Variants in SPAG16 observed in about 807,000 individuals in gnomAD.
SPAG16 encodes the protein sperm associated antigen 16.
A neutral mutation model predicts 80.4 loss-of-function variants in SPAG16; 86 were observed. The observed-to-expected ratio is 1.07, with a 90% CI of 0.90 to 1.28. The LOEUF (loss-of-function observed/expected upper bound fraction) is 1.28. Among genes scored for constraint, SPAG16 ranks in the 50% most tolerant of loss-of-function variants. The pLI is 0.00. For synonymous variants in SPAG16, 294 were observed against 265.9 expected (o/e 1.11, Z -1.03); for missense variants, 870 against 765.3 (o/e 1.14, Z -1.61).
At chr2:214,039,002 T>TA (rs1420894782) in intron 13 of SPAG16, among the ~76,000 whole-genome samples, 3 of 152,212 alleles carry the variant, frequency 2.0e-5, no homozygotes, top group East Asian at 3.8e-4. Flanking sequence ...GCAATAAACA[T>TA]ACGTGTGCAT....
intron 15 of SPAG16, among the ~76,000 whole-genome samples, chr2:214,167,558 G>A (rs2056707571): frequency 6.6e-6 from 1 of 152,052 alleles, no homozygotes; most frequent in African/African-American, 2.4e-5. Flanking sequence ...ATACTTTACT[G>A]ATGTTCTCAA....
At chr2:214,193,308 A>G (rs879701341) in intron 15 of SPAG16, among the ~76,000 whole-genome samples, 2 of 151,996 alleles carry the variant, frequency 1.3e-5, no homozygotes, top group Non-Finnish European at 1.5e-5. Flanking sequence ...CGCCTCTACT[A>G]GAACTGCTGC....
chr2:213,442,079 C>T (rs537871988), intron 9 of SPAG16, among the ~76,000 whole-genome samples: 29 of 152,266 alleles, frequency 1.9e-4, no homozygotes, highest in South Asian at 1.5e-3. Context: ...ACCTGGGAGG[C>T]GGATGTTGCA....
At chr2:213,513,334 C>A (rs1198136081) in intron 10 of SPAG16, among the ~76,000 whole-genome samples, 1 of 152,164 alleles carries the variant, frequency 6.6e-6, no homozygotes, top group Non-Finnish European at 1.5e-5. Flanking sequence ...TGGGGACCTA[C>A]AATTTTTGAA....
intron 15 of SPAG16, among the ~76,000 whole-genome samples, chr2:214,315,281 T>C (rs1301641770): frequency 2.0e-5 from 3 of 152,180 alleles, no homozygotes; most frequent in African/African-American, 7.2e-5. Flanking sequence ...TACTGTCAAA[T>C]TTATAAATAC....
At position 213,310,142 on chromosome 2, in the gene SPAG16, A is replaced by G. The variant is rs2063122549; in HGVS notation, c.363A>G (p.Gly121=). ...DFLCNFLIKM[G]MTRTLDCFQS... ...TCTGCAATTTCTTGATCAAAATGGG[A>G]ATGACCAGAACTCTTGATTGCTTTC... Residue 121 remains glycine (G), a synonymous_variant, in exon 4 of 16, where the codon GGA becomes GGG. Coordinates refer to ENST00000331683, the MANE Select transcript of SPAG16 (RefSeq NM_024532.5). 1 of 1,611,106 alleles carries G rather than the reference A, an allele frequency of 6.2e-7. No individual in the cohort carries two copies. Among genetic ancestry groups the G allele is most frequent in the African/African-American group, 1.3e-5 (1 of 74,778 alleles).
chr2:214,225,785 A>G (rs1184089961), intron 15 of SPAG16, among the ~76,000 whole-genome samples: 11 of 152,126 alleles, frequency 7.2e-5, no homozygotes, highest in African/African-American at 2.4e-4. Context: ...AACTGTTGGA[A>G]TATATGTGGA....
At chr2:213,754,206 AGATACT>A (rs1336026869) in intron 10 of SPAG16, among the ~76,000 whole-genome samples, 2 of 152,168 alleles carry the variant, frequency 1.3e-5, no homozygotes, top group African/African-American at 4.8e-5. Flanking sequence ...TAGACATACC[AGATACT>A]AAGTTTAGAA....
chr2:213,471,469 T>G (rs916875813), intron 9 of SPAG16, among the ~76,000 whole-genome samples: 15 of 152,250 alleles, frequency 9.9e-5, no homozygotes, highest in African/African-American at 3.4e-4. Flanking sequence ...AGTCAAACGT[T>G]CAGTTTCCAC....
At chr2:213,928,627 G>C (rs551117667) in intron 11 of SPAG16, among the ~76,000 whole-genome samples, 1 of 152,194 alleles carries the variant, frequency 6.6e-6, no homozygotes, top group South Asian at 2.1e-4. Context: ...TTCATTTATA[G>C]CATAATTTCA....
intron 10 of SPAG16, among the ~76,000 whole-genome samples, chr2:213,701,164 CA>C (rs1193438408): frequency 6.6e-6 from 1 of 152,076 alleles, no homozygotes; most frequent in African/African-American, 2.4e-5. Context: ...CGCTTGAACC[CA>C]AGAGGCAGAG....
At chr2:213,326,959 A>C (rs111267425) in intron 5 of SPAG16, among the ~76,000 whole-genome samples, 2 of 152,164 alleles carry the variant, frequency 1.3e-5, no homozygotes, top group African/African-American at 4.8e-5. Context: ...TTCGATAAGA[A>C]TATCTGTACC....
chr2:213,474,021 T>C (rs2073238750), intron 9 of SPAG16, among the ~76,000 whole-genome samples: 1 of 152,166 alleles, frequency 6.6e-6, no homozygotes, highest in Non-Finnish European at 1.5e-5. Flanking sequence ...GTTTATCTCC[T>C]CAGACAAAGG....
At chr2:213,594,879 T>C (rs1296756655) in intron 10 of SPAG16, among the ~76,000 whole-genome samples, 1 of 152,190 alleles carries the variant, frequency 6.6e-6, no homozygotes, top group Non-Finnish European at 1.5e-5. Flanking sequence ...TTTGTGTGTC[T>C]GAATAGAATT....
intron 9 of SPAG16, 22 bp downstream of exon 9, chr2:213,375,141 G>T: frequency 6.7e-7 from 1 of 1,499,988 alleles, no homozygotes; most frequent in Non-Finnish European, 9.1e-7. Context: ...GTTTTTGTTT[G>T]CATTAAGTCA....
At chr2:214,057,219 G>A (rs925047797) in intron 13 of SPAG16, among the ~76,000 whole-genome samples, 11 of 147,580 alleles carry the variant, frequency 7.5e-5, no homozygotes, top group Middle Eastern at 3.5e-3. Flanking sequence ...TCCATCAGAG[G>A]AATTATTAGC....
At chr2:214,100,592 T>C (rs2052942685) in intron 13 of SPAG16, among the ~76,000 whole-genome samples, 1 of 152,094 alleles carries the variant, frequency 6.6e-6, no homozygotes. Context: ...GGTCTATGTG[T>C]ACTCAATGTT....
At chr2:214,073,585 T>C (rs1576074163) in intron 13 of SPAG16, among the ~76,000 whole-genome samples, 1 of 152,136 alleles carries the variant, frequency 6.6e-6, no homozygotes, top group Non-Finnish European at 1.5e-5. Flanking sequence ...TGTCTGTGCA[T>C]TGGAAGAACT....
chr2:213,349,423 G>A (rs908349928), intron 6 of SPAG16, among the ~76,000 whole-genome samples: 4 of 152,028 alleles, frequency 2.6e-5, no homozygotes, highest in Non-Finnish European at 1.5e-5. Flanking sequence ...ATAATAAGAT[G>A]GATAAACTCT....
Sources: gnomAD v4.1 joint callset for allele counts (sites outside exome capture counted in the v4.1 genomes callset) on GRCh38, gnomAD v4.1.1 for gene constraint, MANE v1.5 for transcripts, NCBI Gene and HGNC (gene_info 2026-07-23, HGNC 2026-07-21) for gene names.